TAPT1: variants seen among roughly 807,000 people sequenced by gnomAD.
The protein encoded by TAPT1 is transmembrane anterior posterior transformation 1.
Under a neutral mutation model 65.6 loss-of-function variants are expected in TAPT1, and 28 were observed. The observed-to-expected ratio is 0.43, with a 90% CI of 0.32 to 0.59. TAPT1 has a LOEUF of 0.59. TAPT1 is among the 20% of genes least tolerant of loss of function. The pLI, the probability that TAPT1 is intolerant of heterozygous loss-of-function variation, is 0.09. For synonymous variants in TAPT1, 278 were observed against 245.2 expected (o/e 1.13, Z -1.25); for missense variants, 563 against 679.9 (o/e 0.83, Z 1.91).
At chr4:16,191,788 TCTA>T (rs1749388757) in intron 3 of TAPT1, among the ~76,000 whole-genome samples, 1 of 152,212 alleles carries the variant, frequency 6.6e-6, no homozygotes. Context: ...AGGGCAGGTA[TCTA>T]CTGATAGGGT....
chr4:16,174,135 A>G, intron 11 of TAPT1, 69 bp downstream of exon 11: 1 of 1,195,322 alleles, frequency 8.4e-7, no homozygotes, highest in Non-Finnish European at 1.2e-6. Flanking sequence ...TCATATTAAT[A>G]ATCCATTTAT....
At chr4:16,175,919 C>CTA (rs1748295610) in intron 9 of TAPT1, among the ~76,000 whole-genome samples, 200 bp downstream of exon 9, 1 of 152,124 alleles carries the variant, frequency 6.6e-6, no homozygotes, top group South Asian at 2.1e-4. Flanking sequence ...ACTGGCTGGT[C>CTA]TATACTTCTA....
At chr4:16,223,461 T>G (rs1751374468) in intron 1 of TAPT1, among the ~76,000 whole-genome samples, 1 of 152,216 alleles carries the variant, frequency 6.6e-6, no homozygotes, top group East Asian at 1.9e-4. Flanking sequence ...TCAAGGCCAG[T>G]AACCACATAT....
intron 2 of TAPT1, among the ~76,000 whole-genome samples, chr4:16,208,604 G>A (rs1750474142): frequency 6.6e-6 from 1 of 152,090 alleles, no homozygotes; most frequent in African/African-American, 2.4e-5. Context: ...AGGACCCAAA[G>A]CCAATTTGCC....
In TAPT1 at chr4:16,191,298, A is replaced by C. The variant is rs1749357755; in HGVS notation, c.612+63T>G. ...GCATTCTTGACTCTCAGGTACCTTC[A>C]GAACTGAAGACTTGAAGCTGAGTGC... On this transcript the variant is annotated intron_variant, in intron 4 of 13. Transcript: ENST00000405303. The C allele has an allele frequency of 3.3e-6, 5 of 1,506,056 alleles. No homozygotes were observed. The South Asian group carries it at 6.4e-5, about 19-fold the overall frequency. 93.3% of individuals were successfully genotyped at this position (1,506,056 alleles called of 1,614,324 possible). A position where few individuals can be genotyped will look rare whatever the true frequency, so the allele number is the denominator to read the frequency against.
chr4:16,165,140 C>G (rs901018677), intron 13 of TAPT1, among the ~76,000 whole-genome samples: 5 of 152,166 alleles, frequency 3.3e-5, no homozygotes, highest in African/African-American at 7.2e-5. Flanking sequence ...AAGAACCCCC[C>G]TCTCCTGTCC....
At chr4:16,221,581 G>T (rs910710328) in intron 1 of TAPT1, among the ~76,000 whole-genome samples, 3 of 151,994 alleles carry the variant, frequency 2.0e-5, no homozygotes, top group Non-Finnish European at 2.9e-5. Context: ...GCTTATTTTA[G>T]AAATAAGAAC....
intron 1 of TAPT1, chr4:16,214,296 A>G (rs79649442): frequency 0.053 from 8,097 of 153,190 alleles, 239 homozygotes; most frequent in Middle Eastern, 0.14. Context: ...CACAACGGGC[A>G]CCACTTTAGT....
At chr4:16,196,677 A>C (rs1456396117) in intron 3 of TAPT1, 2 of 1,288,910 alleles carry the variant, frequency 1.6e-6, no homozygotes, top group Non-Finnish European at 2.0e-6. Flanking sequence ...TCCCTGTGCC[A>C]CCACATTCCA....
At chr4:16,225,203 C>T (rs749867361) in intron 1 of TAPT1, among the ~76,000 whole-genome samples, 2 of 152,216 alleles carry the variant, frequency 1.3e-5, no homozygotes, top group African/African-American at 2.4e-5. Flanking sequence ...ATAGAACCTA[C>T]GTCCAGTTCT....
intron 3 of TAPT1, among the ~76,000 whole-genome samples, 156 bp downstream of exon 3, chr4:16,202,306 A>C (rs1009144040): frequency 3.9e-5 from 6 of 152,168 alleles, no homozygotes; most frequent in Non-Finnish European, 8.8e-5. Context: ...TTATATAAAC[A>C]TATTATATAA....
chr4:16,163,437 C>A lies in TAPT1; in HGVS notation c.1575G>T (p.Gln525His), dbSNP rs1049481490. The change falls in exon 14 of 14, where the codon CAG (glutamine) becomes CAT (histidine). Residue 525 changes from glutamine (Q) to histidine (H), a missense_variant. Gln to His is a conservative substitution (Grantham distance 24). Around this residue, in one of 5 missense-constraint regions of TAPT1, gnomAD observed 136 missense variants for 153.9 expected, o/e 0.88. Transcript: ENST00000405303. Reference protein sequence around the residue: ...IPLLVTSNSDQFLTTPDGDEK... With the variant: ...IPLLVTSNSDHFLTTPDGDEK... ...CGTCACCATCTGGAGTTGTCAAAAA[C>A]TGATCAGAATTGCTTGTCACAAGTA... is the stretch of plus-strand genomic sequence containing the variant. 9 of 1,613,886 alleles carry A rather than the reference C, an allele frequency of 5.6e-6. No homozygotes were observed. Among genetic ancestry groups the A allele is most frequent in the Non-Finnish European group, 6.8e-6 (8 of 1,179,886 alleles).
intron 1 of TAPT1, among the ~76,000 whole-genome samples, chr4:16,216,783 C>T (rs1750965115): frequency 6.6e-6 from 1 of 152,192 alleles, no homozygotes; most frequent in African/African-American, 2.4e-5. Flanking sequence ...TACCATTCTT[C>T]CCATCTTTCC....
chr4:16,216,506 C>T (rs575384222), intron 1 of TAPT1, among the ~76,000 whole-genome samples: 12 of 152,112 alleles, frequency 7.9e-5, no homozygotes, highest in African/African-American at 9.7e-5. Context: ...CCCATAGACA[C>T]GGAAATTACC....
At chr4:16,179,535 G>A in intron 8 of TAPT1, 42 bp downstream of exon 8, 3 of 1,197,106 alleles carry the variant, frequency 2.5e-6, no homozygotes, top group Non-Finnish European at 1.2e-6. Flanking sequence ...TTTTGGCTTA[G>A]AAGTAAAATT....
At chr4:16,208,516 C>T (rs1750469464) in intron 2 of TAPT1, among the ~76,000 whole-genome samples, 1 of 152,166 alleles carries the variant, frequency 6.6e-6, no homozygotes, top group African/African-American at 2.4e-5. Flanking sequence ...GCAATGCCCA[C>T]CCCATTTCTT....
chr4:16,184,410 C>T (rs944251258), intron 7 of TAPT1, among the ~76,000 whole-genome samples: 3 of 152,026 alleles, frequency 2.0e-5, no homozygotes, highest in Admixed American at 6.6e-5. Context: ...GTTTATTTTC[C>T]TACTGATAGC....
chr4:16,178,548 T>C (rs1235452746), intron 8 of TAPT1, among the ~76,000 whole-genome samples: 3 of 152,180 alleles, frequency 2.0e-5, no homozygotes, highest in African/African-American at 7.2e-5. Context: ...ACCTGAGAAA[T>C]TGATCATTTC....
Position 16,176,162 on chromosome 4 carries a change from A to G in TAPT1, c.1064T>C (p.Val355Ala). Residue 355 changes from valine (V) to alanine (A), a missense_variant, in exon 9 of 14, where the codon GTA becomes GCA. Val to Ala is a moderately conservative substitution (Grantham distance 64). Coordinates refer to ENST00000405303, the MANE Select transcript of TAPT1 (RefSeq NM_153365.3). The part of the protein sequence containing the change: ...VIASEIAVDI[V>A]KHAFITKFND... ...GAATTTAGTAATAAAGGCATGTTTT[A>G]CAATATCCACGGCAATTTCTGATGC... The G allele has an allele frequency of 6.3e-7, 1 of 1,575,890 alleles. No individual in the cohort carries two copies. The highest frequency in any genetic ancestry group is 1.8e-5 in the Admixed American group (1 of 54,610).
Sources: gnomAD v4.1 joint callset for allele counts (sites outside exome capture counted in the v4.1 genomes callset) on GRCh38, gnomAD v4.1.1 for gene constraint, gnomAD v4.1.1 regional missense constraint, MANE v1.5 for transcripts, NCBI Gene and HGNC (gene_info 2026-07-23, HGNC 2026-07-21) for gene names.